The following CACNG5 variants were observed in gnomAD, a reference collection of about 807,000 sequenced individuals.
CACNG5 encodes the protein voltage-dependent calcium channel gamma-5 subunit.
In CACNG5, 18 loss-of-function variants were observed where a neutral mutation model predicts 24.8. That is an observed-to-expected ratio of 0.73 (90% confidence interval 0.50 to 1.08). The LOEUF is 1.08. Ranked by LOEUF, CACNG5 falls within the 50% of genes least tolerant of loss-of-function variation. The pLI is 0.00. For missense variants in CACNG5, 349 were observed against 367.9 expected (o/e 0.95, Z 0.42); for synonymous variants, 157 against 149.1 (o/e 1.05, Z -0.39).
chr17:66,849,518 A>G (rs2159456), intron 1 of CACNG5, among the ~76,000 whole-genome samples: 45,302 of 152,108 alleles, frequency 0.3, 6,938 homozygotes, highest in Admixed American at 0.4. Flanking sequence ...TTCCTGGCTG[A>G]GTGGCCTTGG....
In CACNG5 at chr17:66,893,909, T is replaced by G. The variant is rs1260316796; in HGVS notation, c.*8669T>G. 2.0e-5 allele frequency among the ~76,000 whole-genome samples: 3 copies of G among 152,158 alleles called. No homozygotes were observed. The highest frequency in any genetic ancestry group is 4.4e-5 in the Non-Finnish European group (3 of 68,030). On this transcript the variant is annotated 3_prime_UTR_variant, in exon 6 of 6. Transcript: ENST00000533854. ...TTAGATGCAAGAAGTGTCACCTTGTTGTGTTAAATTAAGTCTGTCTGAGCC... is the reference window on the plus strand; with the variant it reads ...TTAGATGCAAGAAGTGTCACCTTGTGGTGTTAAATTAAGTCTGTCTGAGCC...
intron 1 of CACNG5, among the ~76,000 whole-genome samples, chr17:66,865,330 G>A (rs1475150345): frequency 2.0e-5 from 3 of 151,542 alleles, no homozygotes; most frequent in African/African-American, 7.3e-5. Flanking sequence ...TGCACAAGTG[G>A]TGATGATGCA....
chr17:66,842,967 G>T (rs1226087463), intron 1 of CACNG5, among the ~76,000 whole-genome samples: 2 of 152,226 alleles, frequency 1.3e-5, no homozygotes, highest in Non-Finnish European at 2.9e-5. Context: ...CTAAAGCACT[G>T]TCTTCAGTCC....
rs953893254 is a variant in CACNG5 at position 66,890,171 on chromosome 17, T to C, written c.*4931T>C. On this transcript the variant is annotated 3_prime_UTR_variant, in exon 6 of 6. Coordinates refer to ENST00000533854, the MANE Select transcript of CACNG5 (RefSeq NM_145811.3). ...CACAGGTGGATGGATGAGTGGATTC[T>C]GTCTAATGCACCTGTGCCTGAGGCC... Among the ~76,000 whole-genome samples the C allele has an allele frequency of 5.3e-5, 8 of 152,226 alleles. No homozygotes were observed. The highest frequency in any genetic ancestry group is 1.2e-4 in the Non-Finnish European group (8 of 68,024).
At chr17:66,862,892 C>CTGTG (rs56308917) in intron 1 of CACNG5, among the ~76,000 whole-genome samples, 4,487 of 141,978 alleles carry the variant, frequency 0.032, 108 homozygotes, top group African/African-American at 0.059. Context: ...AGCATATTCT[C>CTGTG]TGTGTGTGTG....
chr17:66,846,710 A>T (rs148980270), intron 1 of CACNG5, among the ~76,000 whole-genome samples: 1 of 152,316 alleles, frequency 6.6e-6, no homozygotes, highest in Non-Finnish European at 1.5e-5. Context: ...GGACTTATGA[A>T]TAATGCTGTG....
intron 1 of CACNG5, among the ~76,000 whole-genome samples, chr17:66,859,389 G>A (rs1976825791): frequency 1.3e-5 from 2 of 152,252 alleles, no homozygotes; most frequent in South Asian, 2.1e-4. Flanking sequence ...GGGAAGGAGA[G>A]GTTTGGGTAT....
intron 1 of CACNG5, among the ~76,000 whole-genome samples, chr17:66,857,952 G>GA (rs1343684655): frequency 6.6e-6 from 1 of 152,196 alleles, no homozygotes; most frequent in African/African-American, 2.4e-5. Flanking sequence ...TGGGCAGCGG[G>GA]AATTAAGGAC....
At chr17:66,874,679 G>A (rs1218082300) in intron 1 of CACNG5, among the ~76,000 whole-genome samples, 3 of 152,132 alleles carry the variant, frequency 2.0e-5, no homozygotes, top group Non-Finnish European at 4.4e-5. Context: ...CTACCACATT[G>A]AGGATCAAAT....
At position 66,893,226 on chromosome 17, in the gene CACNG5, T is replaced by C. The variant is rs1022485751; in HGVS notation, c.*7986T>C. 6.6e-6 allele frequency among the ~76,000 whole-genome samples: 1 copy of C among 151,990 alleles called. No individual in the cohort carries two copies. Among genetic ancestry groups the C allele is most frequent in the Non-Finnish European group, 1.5e-5 (1 of 67,980 alleles). On this transcript the variant is annotated 3_prime_UTR_variant, in exon 6 of 6. Transcript: ENST00000533854. The stretch of plus-strand genomic sequence containing the variant: ...CTACAGTCCTAAATGTTCTGCATGG[T>C]AAATGTACCCTCTTCTATAATCAGA...
At chr17:66,862,949 A>G (rs1976885638) in intron 1 of CACNG5, among the ~76,000 whole-genome samples, 1 of 140,678 alleles carries the variant, frequency 7.1e-6, no homozygotes, top group African/African-American at 2.8e-5. Context: ...TCTCAGTCTC[A>G]GAAGGGGTTT....
At chr17:66,842,240 C>T (rs1453045050) in intron 1 of CACNG5, among the ~76,000 whole-genome samples, 4 of 152,162 alleles carry the variant, frequency 2.6e-5, no homozygotes, top group African/African-American at 9.7e-5. Flanking sequence ...AGGTGGCATC[C>T]TGGCCTGGGA....
intron 1 of CACNG5, among the ~76,000 whole-genome samples, chr17:66,843,619 A>T (rs942645382): frequency 6.6e-6 from 1 of 152,020 alleles, no homozygotes; most frequent in African/African-American, 2.4e-5. Flanking sequence ...AACCCAGGCT[A>T]CCTGAATCAC....
rs149971862 is a variant in CACNG5 at position 66,855,284 on chromosome 17, G to A, written c.-104+20034G>A. On this transcript the variant is annotated intron_variant, in intron 1 of 5. Transcript: ENST00000533854. ...CTTAACAGGCAGCGATTCTCTGAGC[G>A]GCTTTGCGGCAGGAATGGGAACCCT... is the stretch of plus-strand genomic sequence containing the variant. Among the ~76,000 whole-genome samples, 773 of 152,262 alleles carry A rather than the reference G, an allele frequency of 5.1e-3. 8 individuals are homozygous for A. Among genetic ancestry groups the A allele is most frequent in the African/African-American group, 0.018 (730 of 41,554 alleles).
In CACNG5 at chr17:66,882,771, G is replaced by A. The variant is rs554230547; in HGVS notation, c.425-1745G>A. ...TGGATGGATTGGTGAGTGGATGGGC[G>A]GATGGGAAGAAAGGAAAAACAGCTA... is the stretch of plus-strand genomic sequence containing the variant. On this transcript the variant is annotated intron_variant, in intron 4 of 5. Transcript: ENST00000533854. Among the ~76,000 whole-genome samples, 9 of 151,064 alleles carry A rather than the reference G, an allele frequency of 6.0e-5. No homozygotes were observed. The East Asian group carries it at 7.8e-4, about 13-fold the overall frequency.
intron 1 of CACNG5, 81 bp from the exon 2 acceptor site, chr17:66,877,149 T>A: frequency 3.5e-6 from 2 of 565,950 alleles, no homozygotes; most frequent in Non-Finnish European, 6.3e-6. Context: ...GTCCAGGGGG[T>A]TGCCTGGTGG....
chr17:66,884,276 TG>T (rs1343960202), intron 4 of CACNG5, among the ~76,000 whole-genome samples: 1 of 152,194 alleles, frequency 6.6e-6, no homozygotes, highest in African/African-American at 2.4e-5. Context: ...GCTTAGCCCA[TG>T]GCTTAGGAGG....
chr17:66,873,773 G>A (rs1427696106), intron 1 of CACNG5, among the ~76,000 whole-genome samples: 1 of 152,092 alleles, frequency 6.6e-6, no homozygotes, highest in Non-Finnish European at 1.5e-5. Context: ...AGGCAGTGTG[G>A]TTCCCAAAGT....
Position 66,889,171 on chromosome 17 carries a change from C to T in CACNG5, c.*3931C>T, listed in dbSNP as rs901082034. Among the ~76,000 whole-genome samples the T allele has an allele frequency of 2.0e-5, 3 of 152,122 alleles. No homozygotes were observed. The highest frequency in any genetic ancestry group is 6.5e-5 in the Admixed American group (1 of 15,270). ...AGATGGGGTTTCCCCATGTTGGCCA[C>T]GTTGGTCTTGAACTCCTGACCTCAA... On this transcript the variant is annotated 3_prime_UTR_variant, in exon 6 of 6. Transcript: ENST00000533854.
Sources: allele counts gnomAD v4.1 joint callset (sites outside exome capture counted in the v4.1 genomes callset), GRCh38; gene constraint gnomAD v4.1.1; transcripts MANE v1.5; gene names NCBI Gene and HGNC (gene_info 2026-07-23, HGNC 2026-07-21).